CUL4A: variants seen among roughly 807,000 people sequenced by gnomAD.
The protein encoded by CUL4A is cullin 4A, also known as cullin-4A.
In CUL4A, 16 loss-of-function variants were observed where a neutral mutation model predicts 95.5. That is an observed-to-expected ratio of 0.17 (90% CI 0.11 to 0.25). CUL4A has a LOEUF of 0.25. Among genes scored for constraint, CUL4A ranks in the 10% least tolerant of loss-of-function variants. CUL4A has a pLI of 1.00. For synonymous variants in CUL4A, 380 were observed against 353.1 expected (o/e 1.08, Z -0.85); for missense variants, 610 against 937.0 (o/e 0.65, Z 4.56).
Position 113,232,165 on chromosome 13 carries a change from T to C in CUL4A, c.513-1012T>C, listed in dbSNP as rs1176760376. ...CCACCACCATTACTGCTGCCACCAC[T>C]ACCCGCCCACCACCATTACTGCTGC... On this transcript the variant is annotated intron_variant, in intron 5 of 19. Transcript: ENST00000375440. Among the ~76,000 whole-genome samples the C allele has an allele frequency of 1.7e-3, 53 of 30,990 alleles. 11 individuals are homozygous for C. The highest frequency in any genetic ancestry group is 5.1e-3 in the African/African-American group (36 of 7,016). 20.3% of individuals were successfully genotyped at this position (30,990 alleles called of 152,430 possible).
intron 18 of CUL4A, among the ~76,000 whole-genome samples, chr13:113,258,791 G>A (rs551517694): frequency 2.0e-4 from 31 of 152,318 alleles, no homozygotes; most frequent in African/African-American, 5.3e-4. Context: ...GTCAGCCAAC[G>A]CTTTCCTGAA....
intron 5 of CUL4A, among the ~76,000 whole-genome samples, chr13:113,231,774 C>G (rs927107084): frequency 2.0e-5 from 3 of 152,172 alleles, no homozygotes; most frequent in Non-Finnish European, 4.4e-5. Context: ...ACTGCACCTT[C>G]CTGCTCCAAC....
At chr13:113,224,270 A>G (rs1050292531) in intron 3 of CUL4A, among the ~76,000 whole-genome samples, 10 of 151,896 alleles carry the variant, frequency 6.6e-5, no homozygotes, top group East Asian at 5.8e-4. Flanking sequence ...GGAGAATGGC[A>G]TGAACCCGGG....
Position 113,254,984 on chromosome 13 carries a change from C to G in CUL4A, c.1890C>G (p.Ser630=), listed in dbSNP as rs777011700. 6 of 1,613,802 alleles carry G rather than the reference C, an allele frequency of 3.7e-6. No homozygotes were observed. The highest frequency in any genetic ancestry group is 1.6e-4 in the Middle Eastern group (1 of 6,084). The change falls in exon 18 of 20, where the codon TCC becomes TCG. Residue 630 remains serine, a synonymous_variant. Transcript: ENST00000375440. ...GTGAATTGCGCAGAACGCTGCAGTCCCTGGCCTGTGGCAAAGCACGTGTGC... is the reference window on the plus strand; with the variant it reads ...GTGAATTGCGCAGAACGCTGCAGTCGCTGGCCTGTGGCAAAGCACGTGTGC... ...EDSELRRTLQ[S]LACGKARVLI...
At chr13:113,235,034 C>T in intron 7 of CUL4A, 29 bp from the exon 8 acceptor site, 3 of 1,460,438 alleles carry the variant, frequency 2.1e-6, no homozygotes, top group Non-Finnish European at 2.9e-6. Flanking sequence ...CTTTTTGTTA[C>T]TGATACATTT....
chr13:113,243,187 T>C (rs760806555), intron 11 of CUL4A, 27 bp downstream of exon 11: 14 of 1,573,876 alleles, frequency 8.9e-6, no homozygotes, highest in Non-Finnish European at 1.1e-5. Context: ...TTTTTTTGTT[T>C]GTTTGTTTTT....
At chr13:113,247,784 C>T (rs1015954232) in intron 15 of CUL4A, among the ~76,000 whole-genome samples, 3 of 152,212 alleles carry the variant, frequency 2.0e-5, no homozygotes, top group Non-Finnish European at 4.4e-5. Context: ...CATTCCCTTT[C>T]CCCTTAATAT....
intron 8 of CUL4A, among the ~76,000 whole-genome samples, chr13:113,235,968 C>T (rs1246653044): frequency 7.2e-6 from 1 of 139,692 alleles, no homozygotes; most frequent in Non-Finnish European, 1.5e-5. Flanking sequence ...GAGACTCCGT[C>T]TCAAAAAAAA....
chr13:113,229,415 T>C lies in CUL4A; in HGVS notation c.439-31T>C, dbSNP rs777063631. ...TTTCATATTTTGCTAGTAGAATTCA[T>C]AAGTAAATGGTTCTCCTTTCTGCTG... On this transcript the variant is annotated intron_variant, in intron 4 of 19. Transcript: ENST00000375440. 5 of 1,599,562 alleles carry C rather than the reference T, an allele frequency of 3.1e-6. No individual in the cohort carries two copies. In the Admixed American group the frequency reaches 8.4e-5, roughly 27 times the overall value.
intron 3 of CUL4A, chr13:113,219,310 C>T (rs958118296): frequency 2.3e-5 from 8 of 349,232 alleles, no homozygotes; most frequent in Non-Finnish European, 4.2e-5. Context: ...GTTTGAGTAT[C>T]CTTTATTCTA....
chr13:113,220,702 CT>C (rs1048230362), intron 3 of CUL4A, among the ~76,000 whole-genome samples: 1 of 152,188 alleles, frequency 6.6e-6, no homozygotes, highest in African/African-American at 2.4e-5. Context: ...TCAAATGAAT[CT>C]TTTGCCAGTT....
chr13:113,232,054 C>T (rs2041341438), intron 5 of CUL4A, among the ~76,000 whole-genome samples: 1 of 143,520 alleles, frequency 7.0e-6, no homozygotes, highest in Non-Finnish European at 1.5e-5. Flanking sequence ...ACTACCCGCC[C>T]ACCACCATTA....
At chr13:113,262,483 T>C (rs997862433) in intron 19 of CUL4A, among the ~76,000 whole-genome samples, 1 of 152,064 alleles carries the variant, frequency 6.6e-6, no homozygotes. Context: ...AGACCCCTTC[T>C]CTACAAAAAA....
chr13:113,233,415 A>G (rs1595385954), intron 6 of CUL4A, 76 bp downstream of exon 6: 2 of 1,345,452 alleles, frequency 1.5e-6, no homozygotes, highest in Non-Finnish European at 2.1e-6. Context: ...TGTACCAAAG[A>G]TGTTAAACAA....
At chr13:113,227,838 G>C in intron 3 of CUL4A, 138 bp from the exon 4 acceptor site, 1 of 494,606 alleles carries the variant, frequency 2.0e-6, no homozygotes, top group South Asian at 2.4e-5. Flanking sequence ...CTGGGAGGCA[G>C]AGGCTGCACT....
chr13:113,242,918 G>A (rs2041759542), intron 10 of CUL4A, 50 bp from the exon 11 acceptor site: 3 of 1,426,730 alleles, frequency 2.1e-6, no homozygotes, highest in African/African-American at 2.8e-5. Flanking sequence ...AGAAGATACT[G>A]TTTGCTATTG....
At chr13:113,208,991 G>C (rs1279865576), upstream of CUL4A, 4 of 952,296 alleles carry the variant, frequency 4.2e-6, no homozygotes, top group African/African-American at 5.3e-5. Context: ...GGCCGCGGAG[G>C]ACCCTCCGCG....
chr13:113,245,267 T>A, intron 14 of CUL4A, 30 bp downstream of exon 14: 2 of 1,593,730 alleles, frequency 1.3e-6, no homozygotes, highest in South Asian at 1.1e-5. Context: ...TAAAGCGGCT[T>A]TTTAAAAAGT....
chr13:113,237,580 T>A (rs1318525991), intron 9 of CUL4A, among the ~76,000 whole-genome samples: 1 of 152,106 alleles, frequency 6.6e-6, no homozygotes, highest in Non-Finnish European at 1.5e-5. Flanking sequence ...TCTATGAAAA[T>A]TACAATGAGC....
Sources: gnomAD v4.1 joint callset for allele counts (sites outside exome capture counted in the v4.1 genomes callset) on GRCh38, gnomAD v4.1.1 for gene constraint, MANE v1.5 for transcripts, NCBI Gene and HGNC (gene_info 2026-07-23, HGNC 2026-07-21) for gene names.